The following TTC6 variants were observed in gnomAD, a reference collection of about 807,000 sequenced individuals.
TTC6 encodes tetratricopeptide repeat domain 6.
In TTC6, 172 loss-of-function variants were observed where a neutral mutation model predicts 210.4. That is an observed-to-expected ratio of 0.82 (90% CI 0.72 to 0.93). The LOEUF (loss-of-function observed/expected upper bound fraction) is 0.93, where lower values mean the gene tolerates loss of function less well. Among genes scored for constraint, TTC6 ranks in the 40% least tolerant of loss-of-function variants. The pLI is 0.00. For synonymous variants in TTC6, 804 were observed against 819.6 expected (o/e 0.98, Z 0.32); for missense variants, 2,414 against 2,318.1 (o/e 1.04, Z -0.85).
chr14:37,833,518 G>A (rs1319189102), intron 29 of TTC6, among the ~76,000 whole-genome samples: 3 of 152,078 alleles, frequency 2.0e-5, no homozygotes, highest in Non-Finnish European at 2.9e-5. Context: ...GTTTCTTGTA[G>A]CCAGCATATA....
At chr14:37,630,621 G>A (rs191602324) in intron 1 of TTC6, among the ~76,000 whole-genome samples, 345 of 152,218 alleles carry the variant, frequency 2.3e-3, no homozygotes, top group African/African-American at 7.8e-3. Flanking sequence ...CTGAGTTCAA[G>A]TCCTGAATAT....
At chr14:37,695,154 A>C (rs1410526410) in intron 3 of TTC6, among the ~76,000 whole-genome samples, 1 of 152,036 alleles carries the variant, frequency 6.6e-6, no homozygotes, top group Non-Finnish European at 1.5e-5. Context: ...CAAACATCAC[A>C]GATTCTCACT....
chr14:37,758,541 G>A (rs1318108309), intron 14 of TTC6, among the ~76,000 whole-genome samples: 1 of 152,016 alleles, frequency 6.6e-6, no homozygotes, highest in African/African-American at 2.4e-5. Flanking sequence ...TTGCTTGGTA[G>A]TTCTTCCTCC....
chr14:37,772,038 T>C (rs1051187291), intron 14 of TTC6, among the ~76,000 whole-genome samples: 6 of 152,200 alleles, frequency 3.9e-5, no homozygotes, highest in African/African-American at 1.4e-4. Flanking sequence ...GACCCTCAGC[T>C]GCAGGTCTGT....
intron 6 of TTC6, among the ~76,000 whole-genome samples, chr14:37,717,957 G>T (rs549939640): frequency 1.3e-5 from 2 of 152,122 alleles, no homozygotes; most frequent in Non-Finnish European, 2.9e-5. Context: ...CTCTTTTTCC[G>T]TTTTGGCCTT....
At chr14:37,713,690 C>T (rs2095848166) in intron 5 of TTC6, among the ~76,000 whole-genome samples, 1 of 152,110 alleles carries the variant, frequency 6.6e-6, no homozygotes, top group African/African-American at 2.4e-5. Flanking sequence ...AGATAGGAAG[C>T]TTTTATTCAT....
At chr14:37,782,131 A>G (rs1446539995) in intron 14 of TTC6, among the ~76,000 whole-genome samples, 1 of 152,148 alleles carries the variant, frequency 6.6e-6, no homozygotes, top group Non-Finnish European at 1.5e-5. Context: ...GTTCCATATG[A>G]ACTTTAAAGT....
chr14:37,688,168 G>A (rs1178101506), intron 3 of TTC6, among the ~76,000 whole-genome samples: 8 of 152,178 alleles, frequency 5.3e-5, no homozygotes, highest in African/African-American at 1.7e-4. Context: ...AATACTCCTC[G>A]TGGGCCTGAG....
At chr14:37,819,477 C>G (rs1470053954) in intron 26 of TTC6, among the ~76,000 whole-genome samples, 2 of 152,078 alleles carry the variant, frequency 1.3e-5, no homozygotes, top group Non-Finnish European at 2.9e-5. Flanking sequence ...TTGTATATCT[C>G]TGGTTCTCAC....
chr14:37,645,623 A>G (rs1442861585), intron 1 of TTC6, among the ~76,000 whole-genome samples: 2 of 152,208 alleles, frequency 1.3e-5, no homozygotes, highest in Non-Finnish European at 2.9e-5. Flanking sequence ...TGAAGGAAGT[A>G]AGGGAACAAG....
In TTC6 at chr14:37,749,120, G is replaced by C. The variant is rs899716334; in HGVS notation, c.2545G>C (p.Glu849Gln). 2.0e-6 allele frequency: 3 copies of C among 1,535,578 alleles called. No homozygotes were observed. In the African/African-American group the frequency reaches 4.1e-5, roughly 21 times the overall value. Reference sequence around the variant, plus strand: ...GACATGGGCTCTTGATAGGCTCATTGAGTACAAAGATGCGAGCATACCTGT... The same window carrying C: ...GACATGGGCTCTTGATAGGCTCATTCAGTACAAAGATGCGAGCATACCTGT... The change falls in exon 11 of 31, where the codon GAG becomes CAG. Residue 849 changes from glutamate to glutamine, a missense_variant. Glu to Gln is a conservative substitution (Grantham distance 29). Coordinates refer to ENST00000553443, the Ensembl canonical transcript of TTC6.
At chr14:37,806,446 T>A (rs1361886142) in exon 22 of TTC6, 6 of 1,535,530 alleles carry the variant, frequency 3.9e-6, no homozygotes, top group Admixed American at 3.9e-5. Flanking sequence ...AAAGTGAAAC[T>A]CCACAAGGAT....
At chr14:37,611,979 A>G (rs995090655) in intron 2 of TTC6, among the ~76,000 whole-genome samples, 2 of 145,540 alleles carry the variant, frequency 1.4e-5, no homozygotes, top group Non-Finnish European at 3.0e-5. Flanking sequence ...AGAAATTTAA[A>G]GGAGATCAAT....
exon 4 of TTC6, chr14:37,696,768 C>T (rs1006607060): frequency 4.2e-5 from 61 of 1,460,972 alleles, no homozygotes; most frequent in East Asian, 1.3e-4. Flanking sequence ...TAAGCGAATG[C>T]GGAAACGTAA....
At chr14:37,604,840 C>T (rs952708048) in intron 1 of TTC6, among the ~76,000 whole-genome samples, 5 of 152,158 alleles carry the variant, frequency 3.3e-5, no homozygotes, top group Admixed American at 3.3e-4. Context: ...ACAGTAAGGA[C>T]CACTTATGAT....
chr14:37,605,387 A>G lies in TTC6; in HGVS notation c.-234-1276A>G, dbSNP rs1162651532. On this transcript the variant is annotated intron_variant, in intron 1 of 2. Transcript: ENST00000556845. ...CTCAGTAATCAGGATCCGGGTGGAT[A>G]AAATAAAATATATCCTTCACTGGAA... Among the ~76,000 whole-genome samples the G allele has an allele frequency of 5.3e-5, 8 of 152,336 alleles. No homozygotes were observed. The East Asian group carries it at 1.5e-3, about 29-fold the overall frequency.
intron 14 of TTC6, among the ~76,000 whole-genome samples, chr14:37,785,354 C>G (rs935698482): frequency 6.6e-6 from 1 of 152,112 alleles, no homozygotes; most frequent in African/African-American, 2.4e-5. Context: ...CTTTTCACTT[C>G]ATTTCATTAA....
rs539805724 is a variant in TTC6 at position 37,666,340 on chromosome 14, T to C, written c.940-13811T>C. Among the ~76,000 whole-genome samples, 3 of 149,310 alleles carry C rather than the reference T, an allele frequency of 2.0e-5. No individual in the cohort carries two copies. The South Asian group carries it at 6.4e-4, about 32-fold the overall frequency. On this transcript the variant is annotated intron_variant, in intron 1 of 30. Transcript: ENST00000553443. Reference sequence around the variant, plus strand: ...TTAAAAAAGTTGAAAGTGGCCAGGCTCAGTGGCTTACACTGTAATCCCGGC... The same window carrying C: ...TTAAAAAAGTTGAAAGTGGCCAGGCCCAGTGGCTTACACTGTAATCCCGGC...
intron 1 of TTC6, among the ~76,000 whole-genome samples, chr14:37,677,615 G>T (rs2095773104): frequency 6.6e-6 from 1 of 151,922 alleles, no homozygotes; most frequent in African/African-American, 2.4e-5. Flanking sequence ...ATGATATTTG[G>T]AAAATTTTTG....
Sources: gnomAD v4.1 joint callset for allele counts (sites outside exome capture counted in the v4.1 genomes callset) on GRCh38, gnomAD v4.1.1 for gene constraint, MANE v1.5 for transcripts, NCBI Gene and HGNC (gene_info 2026-07-23, HGNC 2026-07-21) for gene names.